The following EEIG1 variants were observed in gnomAD, a reference collection of about 807,000 sequenced individuals.
EEIG1 encodes estrogen-induced osteoclastogenesis regulator 1.
chr9:127,943,419 G>GC, the EEIG1 span: 1 of 625,080 alleles, frequency 1.6e-6, no homozygotes, highest in Non-Finnish European at 2.9e-6. Context: ...CAGATAGTAA[G>GC]CATCAGAGTC....
the EEIG1 span, among the ~76,000 whole-genome samples, chr9:127,962,835 C>T: frequency 1.3e-5 from 2 of 152,080 alleles, no homozygotes; most frequent in Admixed American, 6.6e-5. Flanking sequence ...TGGAGACCAG[C>T]CTGGGCAACA....
the EEIG1 span, among the ~76,000 whole-genome samples, chr9:127,975,207 G>A: frequency 1.4e-4 from 22 of 152,362 alleles, no homozygotes; most frequent in East Asian, 1.4e-3. Context: ...CCCCCAGCGC[G>A]GCACTGACCT....
chr9:127,948,288 C>A, the EEIG1 span: 4 of 1,611,648 alleles, frequency 2.5e-6, no homozygotes, highest in South Asian at 4.4e-5. Flanking sequence ...AAACAGAGGA[C>A]ACCCAGAGTC....
the EEIG1 span, among the ~76,000 whole-genome samples, chr9:127,951,801 C>T: frequency 3.9e-5 from 5 of 128,214 alleles, no homozygotes; most frequent in South Asian, 2.4e-4. Flanking sequence ...TGGGCGACAG[C>T]GAGACTCCAT....
chr9:127,944,398 C>A, the EEIG1 span: 4 of 599,434 alleles, frequency 6.7e-6, no homozygotes, highest in Admixed American at 8.8e-5. Context: ...AACCACCGAA[C>A]CTGTCCGTGC....
At chr9:127,945,535 G>A in the EEIG1 span, 2 of 1,565,226 alleles carry the variant, frequency 1.3e-6, no homozygotes, top group Non-Finnish European at 1.7e-6. The surrounding 1 kb of genome is among the most constrained non-coding windows in gnomAD (Gnocchi z 6.5). Flanking sequence ...TGAGAGGCTG[G>A]AGGAGCGCGA....
At chr9:127,965,285 T>G in the EEIG1 span, among the ~76,000 whole-genome samples, 24 of 152,256 alleles carry the variant, frequency 1.6e-4, no homozygotes, top group African/African-American at 5.3e-4. Flanking sequence ...AGCAGCACCC[T>G]GCCAGTAGCA....
chr9:127,980,229 A>C, the EEIG1 span: 25 of 1,346,432 alleles, frequency 1.9e-5, no homozygotes, highest in East Asian at 2.5e-5. Flanking sequence ...TCCTCAAAAC[A>C]CCAGAGCCGG....
the EEIG1 span, among the ~76,000 whole-genome samples, chr9:127,964,375 A>T: frequency 6.6e-6 from 1 of 152,194 alleles, no homozygotes; most frequent in African/African-American, 2.4e-5. Flanking sequence ...TGCAACAAGA[A>T]GATCCCAGAG....
chr9:127,965,426 C>T, the EEIG1 span, among the ~76,000 whole-genome samples: 3 of 152,214 alleles, frequency 2.0e-5, no homozygotes, highest in Non-Finnish European at 4.4e-5. Flanking sequence ...GGGAGCTGGG[C>T]ACCCAGCTAA....
the EEIG1 span, chr9:127,944,660 C>T: frequency 6.2e-7 from 1 of 1,612,844 alleles, no homozygotes; most frequent in Non-Finnish European, 8.5e-7. Flanking sequence ...GCCATCGCGG[C>T]TCACGAACAG....
At chr9:127,976,757 C>A in the EEIG1 span, among the ~76,000 whole-genome samples, 2,430 of 152,186 alleles carry the variant, frequency 0.016, 44 homozygotes, top group African/African-American at 0.055. This position sits in a 1 kb window ranked among gnomAD's most constrained non-coding sequence, Gnocchi z 4.1. Flanking sequence ...CCAGCCAGGA[C>A]GGCAGGTGCT....
At chr9:127,955,428 G>T in the EEIG1 span, among the ~76,000 whole-genome samples, 2 of 152,266 alleles carry the variant, frequency 1.3e-5, no homozygotes, top group South Asian at 4.1e-4. Context: ...AGGGCTCTCA[G>T]TCGCCACTTT....
chr9:127,942,241 T>C, the EEIG1 span: 1 of 152,724 alleles, frequency 6.5e-6, no homozygotes, highest in Non-Finnish European at 1.5e-5. Context: ...GAGAAGGACT[T>C]TGCTTGCTCC....
chr9:127,971,471 C>G, the EEIG1 span, among the ~76,000 whole-genome samples: 10 of 151,742 alleles, frequency 6.6e-5, 1 homozygote, highest in East Asian at 2.0e-3. Context: ...CGTGGAGGCA[C>G]CCAGCTGTCC....
chr9:127,943,197 G>C, the EEIG1 span: 2 of 1,614,026 alleles, frequency 1.2e-6, no homozygotes, highest in Non-Finnish European at 1.7e-6. Context: ...GCTCCTCAAT[G>C]GCTTTCAATC....
chr9:127,971,871 G>A, the EEIG1 span, among the ~76,000 whole-genome samples: 2 of 152,308 alleles, frequency 1.3e-5, no homozygotes, highest in East Asian at 3.9e-4. Flanking sequence ...GCAGAGAAGT[G>A]GGGGAAGGGA....
chr9:127,949,461 C>T, the EEIG1 span, among the ~76,000 whole-genome samples: 1 of 152,194 alleles, frequency 6.6e-6, no homozygotes, highest in African/African-American at 2.4e-5. Context: ...CAAGACCTTG[C>T]AGACAGGATG....
chr9:127,975,478 C>G, the EEIG1 span, among the ~76,000 whole-genome samples: 1 of 152,138 alleles, frequency 6.6e-6, no homozygotes, highest in Non-Finnish European at 1.5e-5. Context: ...GAAGGACCCC[C>G]TCCCCGTTCT....
Sources: allele counts gnomAD v4.1 joint callset (sites outside exome capture counted in the v4.1 genomes callset), GRCh38; gene constraint gnomAD v4.1.1; non-coding constraint Gnocchi (gnomAD v3.1); transcripts MANE v1.5; gene names NCBI Gene and HGNC (gene_info 2026-07-23, HGNC 2026-07-21).